Variants in LOC128706665 observed in about 807,000 individuals in gnomAD.
the LOC128706665 span, among the ~76,000 whole-genome samples, chr20:10,429,955 A>C: frequency 1.3e-5 from 2 of 152,216 alleles, no homozygotes; most frequent in African/African-American, 4.8e-5. Flanking sequence ...TTCTGAAGCT[A>C]AAGTTTGAGA....
At chr20:10,416,726 T>G in the LOC128706665 span, among the ~76,000 whole-genome samples, 3 of 152,202 alleles carry the variant, frequency 2.0e-5, no homozygotes, top group African/African-American at 7.2e-5. Flanking sequence ...TGATAGAATT[T>G]GAGCAGCATC....
the LOC128706665 span, among the ~76,000 whole-genome samples, chr20:10,433,466 G>A: frequency 6.6e-6 from 1 of 152,198 alleles, no homozygotes; most frequent in Non-Finnish European, 1.5e-5. Context: ...CTGTAGACAC[G>A]TGTATATCTG....
chr20:10,421,779 T>A, the LOC128706665 span, among the ~76,000 whole-genome samples: 2 of 150,764 alleles, frequency 1.3e-5, no homozygotes, highest in Admixed American at 6.6e-5. Flanking sequence ...GCTTTTAAAA[T>A]ATATATATAT....
the LOC128706665 span, among the ~76,000 whole-genome samples, chr20:10,430,506 A>C: frequency 2.6e-5 from 4 of 152,264 alleles, no homozygotes; most frequent in African/African-American, 7.2e-5. Context: ...AACCTGTAGT[A>C]TAGCAAGAAC....
At chr20:10,431,885 G>A in the LOC128706665 span, 2 of 152,136 alleles carry the variant, frequency 1.3e-5, no homozygotes, top group East Asian at 1.9e-4. Context: ...CCTACTCAGA[G>A]AGCCTTTCTC....
chr20:10,430,744 T>C, the LOC128706665 span, among the ~76,000 whole-genome samples: 10 of 152,292 alleles, frequency 6.6e-5, no homozygotes, highest in African/African-American at 2.2e-4. Flanking sequence ...CCAGGAAAGC[T>C]GTGAAGGAAG....
the LOC128706665 span, among the ~76,000 whole-genome samples, chr20:10,423,138 T>G: frequency 6.6e-6 from 1 of 152,132 alleles, no homozygotes; most frequent in Non-Finnish European, 1.5e-5. Context: ...AAACCCTAGC[T>G]TATAAAAAGA....
chr20:10,414,440 C>T, the LOC128706665 span, among the ~76,000 whole-genome samples: 1,035 of 152,016 alleles, frequency 6.8e-3, 4 homozygotes, highest in Non-Finnish European at 1.0e-2. Flanking sequence ...TAATTTTGTA[C>T]TTTTAGTAGA....
the LOC128706665 span, among the ~76,000 whole-genome samples, chr20:10,428,079 T>TG: frequency 1.3e-5 from 2 of 152,218 alleles, no homozygotes. Flanking sequence ...AAGTCTTATA[T>TG]GGGGGTTTCA....
chr20:10,414,963 T>C, the LOC128706665 span, among the ~76,000 whole-genome samples: 22 of 152,290 alleles, frequency 1.4e-4, no homozygotes, highest in African/African-American at 5.1e-4. Context: ...CCAAGGGATA[T>C]GCTGGATAAC....
chr20:10,416,497 A>T, the LOC128706665 span, among the ~76,000 whole-genome samples: 27,937 of 151,986 alleles, frequency 0.18, 3,322 homozygotes, highest in African/African-American at 0.33. Flanking sequence ...ACATGACGAC[A>T]GCAACAGATT....
chr20:10,420,029 T>C, the LOC128706665 span, among the ~76,000 whole-genome samples: 1 of 152,190 alleles, frequency 6.6e-6, no homozygotes, highest in East Asian at 1.9e-4. Context: ...GAGAACTTTT[T>C]GAATTTTGGA....
chr20:10,420,790 C>A, the LOC128706665 span: 3 of 152,182 alleles, frequency 2.0e-5, no homozygotes, highest in Non-Finnish European at 2.9e-5. Flanking sequence ...AGGAAAAAAA[C>A]CACTAAAACC....
chr20:10,424,690 C>T, the LOC128706665 span, among the ~76,000 whole-genome samples: 23 of 152,180 alleles, frequency 1.5e-4, no homozygotes, highest in Admixed American at 4.6e-4. Context: ...TACAATCAAA[C>T]ATATTTTGGG....
At chr20:10,416,026 T>G in the LOC128706665 span, among the ~76,000 whole-genome samples, 1 of 152,128 alleles carries the variant, frequency 6.6e-6, no homozygotes, top group Non-Finnish European at 1.5e-5. Flanking sequence ...TTATAGAACA[T>G]GTTTGGAAGT....
the LOC128706665 span, among the ~76,000 whole-genome samples, chr20:10,419,734 C>T: frequency 6.6e-6 from 1 of 152,152 alleles, no homozygotes; most frequent in African/African-American, 2.4e-5. Flanking sequence ...AAGTGACTAA[C>T]GAGCAGGTAG....
chr20:10,428,639 G>A, the LOC128706665 span, among the ~76,000 whole-genome samples: 3 of 152,114 alleles, frequency 2.0e-5, no homozygotes. Context: ...AGGATTTTGA[G>A]ACCAGTTTGG....
the LOC128706665 span, chr20:10,413,954 T>C: frequency 9.9e-6 from 4 of 404,326 alleles, no homozygotes; most frequent in Non-Finnish European, 1.7e-5. Context: ...AAAAAAAACA[T>C]TTTAGAGAAA....
chr20:10,417,973 A>G, the LOC128706665 span, among the ~76,000 whole-genome samples: 1 of 152,210 alleles, frequency 6.6e-6, no homozygotes, highest in Non-Finnish European at 1.5e-5. Context: ...TATCAAATGC[A>G]ATACGTAGAC....
Sources: allele counts gnomAD v4.1 joint callset (sites outside exome capture counted in the v4.1 genomes callset), GRCh38; gene constraint gnomAD v4.1.1; transcripts MANE v1.5.